SLC30A8: variants seen among roughly 807,000 people sequenced by gnomAD.
The protein encoded by SLC30A8 is solute carrier family 30 member 8.
In SLC30A8, 27 loss-of-function variants were observed where a neutral mutation model predicts 36.9. That is an observed-to-expected ratio of 0.73 (90% confidence interval 0.54 to 1.01). The LOEUF (loss-of-function observed/expected upper bound fraction) is 1.01, where lower values mean the gene tolerates loss of function less well. SLC30A8 is among the 50% of genes least tolerant of loss of function. The pLI is 0.00. For missense variants in SLC30A8, 439 were observed against 452.0 expected (o/e 0.97, Z 0.26); for synonymous variants, 164 against 172.4 (o/e 0.95, Z 0.38).
Position 116,978,392 on chromosome 8 carries a change from AAC to A in SLC30A8, c.-266+27277_-266+27278del, listed in dbSNP as rs149001124. Among the ~76,000 whole-genome samples the A allele has an allele frequency of 8.9e-3, 1,348 of 152,278 alleles. 27 individuals carry two copies. The highest frequency in any genetic ancestry group is 0.03 in the African/African-American group (1,251 of 41,558). ...TTGCATCATTGAATAGAAATGAAGA[AAC>A]ACATAAAACCACTGGCTATGATGCT... On this transcript the variant is annotated intron_variant, in intron 1 of 10. Coordinates refer to the SLC30A8 transcript ENST00000427715.
At chr8:116,972,916 G>GCTA (rs1444781193) in intron 1 of SLC30A8, among the ~76,000 whole-genome samples, 1 of 152,160 alleles carries the variant, frequency 6.6e-6, no homozygotes, top group Non-Finnish European at 1.5e-5. Context: ...CTAGGATTCT[G>GCTA]CTACTGTCTG....
At chr8:117,158,819 G>C (rs1253489768) in intron 4 of SLC30A8, among the ~76,000 whole-genome samples, 5 of 152,158 alleles carry the variant, frequency 3.3e-5, no homozygotes, top group Admixed American at 6.5e-5. Flanking sequence ...TATCGTGTTG[G>C]TGGACAGAAT....
chr8:116,969,040 G>A (rs1814694070), intron 1 of SLC30A8, among the ~76,000 whole-genome samples: 2 of 152,120 alleles, frequency 1.3e-5, no homozygotes, highest in African/African-American at 4.8e-5. Flanking sequence ...AGCCCACAAT[G>A]ACTATTTCTA....
intron 2 of SLC30A8, among the ~76,000 whole-genome samples, chr8:117,123,201 T>C (rs922596089): frequency 6.6e-6 from 1 of 151,936 alleles, no homozygotes. Flanking sequence ...TGGGTCTAAG[T>C]TTTAATAATG....
chr8:116,970,753 GACAT>G (rs1039957643), intron 1 of SLC30A8, among the ~76,000 whole-genome samples: 1 of 152,138 alleles, frequency 6.6e-6, no homozygotes, highest in African/African-American at 2.4e-5. Context: ...AACAAAGGCT[GACAT>G]ACATAGCCTC....
intron 1 of SLC30A8, among the ~76,000 whole-genome samples, chr8:116,952,727 G>A (rs1814037457): frequency 6.6e-6 from 1 of 152,094 alleles, no homozygotes; most frequent in Admixed American, 6.6e-5. Context: ...AAAGTGCTAG[G>A]ATGACAGGCA....
At chr8:117,087,531 G>A (rs980130674) in intron 2 of SLC30A8, among the ~76,000 whole-genome samples, 6 of 151,864 alleles carry the variant, frequency 4.0e-5, no homozygotes, top group African/African-American at 1.5e-4. Flanking sequence ...AGCTGGCTTC[G>A]TCTTTTTTTT....
intron 2 of SLC30A8, among the ~76,000 whole-genome samples, chr8:117,095,322 A>G (rs1819309894): frequency 6.6e-6 from 1 of 152,182 alleles, no homozygotes; most frequent in Admixed American, 6.5e-5. Flanking sequence ...TAGCATTACT[A>G]GTTAGTAATA....
intron 1 of SLC30A8, among the ~76,000 whole-genome samples, chr8:117,009,628 G>A (rs1200602662): frequency 7.7e-6 from 1 of 129,394 alleles, no homozygotes; most frequent in Non-Finnish European, 1.9e-5. Context: ...ACTTTCTGAT[G>A]TGAAGGCAGG....
intron 1 of SLC30A8, among the ~76,000 whole-genome samples, chr8:117,035,232 C>T (rs574378296): frequency 6.6e-5 from 10 of 152,352 alleles, no homozygotes; most frequent in African/African-American, 2.2e-4. Flanking sequence ...AGGCAAGTTT[C>T]TTCTACCTAG....
chr8:116,986,420 T>A (rs528905896), intron 1 of SLC30A8, among the ~76,000 whole-genome samples: 6 of 152,180 alleles, frequency 3.9e-5, no homozygotes, highest in African/African-American at 1.4e-4. Context: ...TCACACTAAA[T>A]CCCATACTGA....
At chr8:117,123,413 G>A (rs991332304) in intron 2 of SLC30A8, among the ~76,000 whole-genome samples, 1 of 151,912 alleles carries the variant, frequency 6.6e-6, no homozygotes, top group South Asian at 2.1e-4. Context: ...ATAGCATGAA[G>A]GAATCTTTAA....
At chr8:117,031,061 A>G (rs1817028613) in intron 1 of SLC30A8, among the ~76,000 whole-genome samples, 2 of 152,348 alleles carry the variant, frequency 1.3e-5, no homozygotes, top group African/African-American at 2.4e-5. Flanking sequence ...TTTTGAGGCC[A>G]TAACTGACCC....
At chr8:117,058,279 G>A (rs940940103) in intron 2 of SLC30A8, among the ~76,000 whole-genome samples, 6 of 151,918 alleles carry the variant, frequency 3.9e-5, no homozygotes, top group African/African-American at 1.5e-4. Context: ...TATATATTTT[G>A]CATTTTAATC....
At chr8:117,170,697 T>C (rs1823329045) in intron 6 of SLC30A8, among the ~76,000 whole-genome samples, 1 of 152,178 alleles carries the variant, frequency 6.6e-6, no homozygotes, top group Non-Finnish European at 1.5e-5. Flanking sequence ...GATTATTTGA[T>C]ACCAAATTTC....
At chr8:117,072,898 C>T (rs1206023286) in intron 2 of SLC30A8, among the ~76,000 whole-genome samples, 1 of 146,722 alleles carries the variant, frequency 6.8e-6, no homozygotes, top group African/African-American at 2.5e-5. Context: ...ATTAGCAATT[C>T]AAATCTTTAT....
chr8:117,022,332 C>T (rs568123552), intron 1 of SLC30A8, among the ~76,000 whole-genome samples: 2 of 152,188 alleles, frequency 1.3e-5, no homozygotes, highest in Non-Finnish European at 2.9e-5. Flanking sequence ...ACTGTATTTA[C>T]ATTAGGATCT....
upstream of SLC30A8, among the ~76,000 whole-genome samples, chr8:117,130,584 T>C (rs1362990558): frequency 6.6e-6 from 1 of 152,032 alleles, no homozygotes; most frequent in East Asian, 1.9e-4. Context: ...GCTCTGTGCA[T>C]TTATAGACCA....
chr8:117,141,271 T>A (rs1821639748), intron 1 of SLC30A8, among the ~76,000 whole-genome samples: 1 of 152,090 alleles, frequency 6.6e-6, no homozygotes, highest in Non-Finnish European at 1.5e-5. Context: ...GATGCAGTAA[T>A]CCTTGAAAAG....
Sources: allele counts gnomAD v4.1 joint callset (sites outside exome capture counted in the v4.1 genomes callset), GRCh38; gene constraint gnomAD v4.1.1; transcripts MANE v1.5; gene names NCBI Gene and HGNC (gene_info 2026-07-23, HGNC 2026-07-21).